ANO4: variants seen among roughly 807,000 people sequenced by gnomAD.
The protein encoded by ANO4 is anoctamin-4.
Under a neutral mutation model 141.9 loss-of-function variants are expected in ANO4, and 69 were observed. That is an observed-to-expected ratio of 0.49 (90% CI 0.40 to 0.59). The LOEUF is 0.59. ANO4 is among the 20% of genes least tolerant of loss of function. The probability of loss-of-function intolerance (pLI) is 0.00; values close to 1 mark genes in which losing one functional copy is unlikely to be tolerated. For missense variants in ANO4, 894 were observed against 1,162.2 expected, an observed-to-expected ratio of 0.77 and a Z score of 3.36; for synonymous variants, 350 against 394.3, an observed-to-expected ratio of 0.89 and a Z score of 1.33.
chr12:100,987,702 T>C, intron 8 of ANO4, 32 bp downstream of exon 8: 1 of 1,610,852 alleles, frequency 6.2e-7, no homozygotes. Context: ...CCCATCTCAC[T>C]AAGGATGTGC....
In ANO4 at chr12:101,128,356, C is replaced by T. The variant is rs966407635; in HGVS notation, c.*500C>T. 6.6e-6 allele frequency: 1 copy of T among 152,444 alleles called. No homozygotes were observed. The highest frequency in any genetic ancestry group is 2.4e-5 in the African/African-American group (1 of 41,370). The allele number at this position is 152,444 out of a possible 1,614,324, so 9.4% of individuals were successfully genotyped here. ...TCTTTCCTTTTTTTTAATTTTAGAC[C>T]TTTCTGAGAAGATTATTATATATGA... On this transcript the variant is annotated 3_prime_UTR_variant, in exon 28 of 28. Coordinates refer to ENST00000392977, the MANE Select transcript of ANO4 (RefSeq NM_001286615.2).
At chr12:101,030,630 G>C (rs1445310957) in intron 9 of ANO4, among the ~76,000 whole-genome samples, 1 of 152,006 alleles carries the variant, frequency 6.6e-6, no homozygotes, top group African/African-American at 2.4e-5. Flanking sequence ...ACTAAGATCA[G>C]AGCAAAATTG....
intron 1 of ANO4, among the ~76,000 whole-genome samples, chr12:100,834,902 A>C (rs1010056159): frequency 7.9e-5 from 12 of 152,134 alleles, no homozygotes; most frequent in African/African-American, 2.7e-4. Context: ...ACACAGGTGC[A>C]TGTGTTCCCC....
At chr12:100,783,919 T>C (rs1169516409) in intron 3 of ANO4, among the ~76,000 whole-genome samples, 1 of 151,976 alleles carries the variant, frequency 6.6e-6, no homozygotes, top group East Asian at 1.9e-4. Context: ...CTTCCAAATC[T>C]CAGATAAGGG....
At chr12:100,896,434 A>G (rs148938681) in intron 1 of ANO4, among the ~76,000 whole-genome samples, 1 of 151,642 alleles carries the variant, frequency 6.6e-6, no homozygotes, top group East Asian at 1.9e-4. Flanking sequence ...CAAGGAATGG[A>G]TTCTCCCCAG....
chr12:101,027,210 A>G (rs1009282698), intron 9 of ANO4, among the ~76,000 whole-genome samples: 1 of 152,162 alleles, frequency 6.6e-6, no homozygotes, highest in African/African-American at 2.4e-5. Flanking sequence ...GCTTTTTTCC[A>G]TGGGACTGTG....
chr12:100,820,999 A>G (rs1430229434), intron 1 of ANO4, among the ~76,000 whole-genome samples: 1 of 151,784 alleles, frequency 6.6e-6, no homozygotes, highest in African/African-American at 2.4e-5. Flanking sequence ...TTTCCCTTGC[A>G]CTCTCTGTTT....
chr12:101,054,691 G>T (rs555879680), intron 14 of ANO4, among the ~76,000 whole-genome samples: 1 of 152,060 alleles, frequency 6.6e-6, no homozygotes, highest in South Asian at 2.1e-4. Context: ...TAGTAGAGAC[G>T]GGGTTTCACT....
intron 1 of ANO4, among the ~76,000 whole-genome samples, chr12:100,858,651 T>G (rs1034108174): frequency 3.3e-5 from 5 of 152,182 alleles, no homozygotes; most frequent in Admixed American, 6.5e-5. Flanking sequence ...ACTCAAAAAT[T>G]TAATGCCTGT....
chr12:100,911,897 A>G (rs1290635284), intron 2 of ANO4, among the ~76,000 whole-genome samples: 1 of 152,218 alleles, frequency 6.6e-6, no homozygotes, highest in African/African-American at 2.4e-5. Context: ...TAGAATAACG[A>G]TCATAATACT....
At chr12:100,842,011 C>T in intron 1 of ANO4, among the ~76,000 whole-genome samples, 1 of 142,070 alleles carries the variant, frequency 7.0e-6, no homozygotes, top group Non-Finnish European at 1.5e-5. Flanking sequence ...ATGTCTCAGC[C>T]AAATTCTCTG....
chr12:101,127,441 G>GCAGA (rs1208634048), intron 27 of ANO4, among the ~76,000 whole-genome samples: 1 of 152,086 alleles, frequency 6.6e-6, no homozygotes, highest in African/African-American at 2.4e-5. Context: ...TGGGTGGGAG[G>GCAGA]CAGACATTAG....
At chr12:100,986,460 A>G (rs1475555509) in intron 7 of ANO4, among the ~76,000 whole-genome samples, 3 of 152,114 alleles carry the variant, frequency 2.0e-5, no homozygotes, top group South Asian at 2.1e-4. Context: ...TAAGTCTACA[A>G]ACTCAAACAC....
intron 14 of ANO4, among the ~76,000 whole-genome samples, chr12:101,056,057 T>C (rs1593144543): frequency 6.6e-6 from 1 of 152,196 alleles, no homozygotes; most frequent in East Asian, 1.9e-4. Flanking sequence ...TCTTGATTAT[T>C]ATGGCATAAT....
chr12:100,894,573 C>G (rs1348281065), intron 1 of ANO4, among the ~76,000 whole-genome samples: 4 of 152,102 alleles, frequency 2.6e-5, no homozygotes, highest in Admixed American at 2.6e-4. Context: ...GCTAATGACA[C>G]ATGAGGTGCT....
intron 2 of ANO4, among the ~76,000 whole-genome samples, chr12:100,736,892 G>A (rs2031641434): frequency 6.6e-6 from 1 of 152,180 alleles, no homozygotes; most frequent in African/African-American, 2.4e-5. Flanking sequence ...CTCCTCTAGA[G>A]CCTTCAGAGA....
chr12:100,937,997 T>C (rs2042355235), intron 3 of ANO4, among the ~76,000 whole-genome samples: 1 of 152,204 alleles, frequency 6.6e-6, no homozygotes, highest in Non-Finnish European at 1.5e-5. Context: ...CTTTCGGTGA[T>C]AAAAAGGTAA....
chr12:100,836,353 TTA>T (rs2036911876), intron 1 of ANO4, among the ~76,000 whole-genome samples: 2 of 152,086 alleles, frequency 1.3e-5, no homozygotes, highest in Admixed American at 1.3e-4. Flanking sequence ...ATATATATTT[TTA>T]TTATACTGTA....
intron 18 of ANO4, among the ~76,000 whole-genome samples, chr12:101,094,631 G>C (rs1206403608): frequency 3.3e-5 from 5 of 152,074 alleles, no homozygotes; most frequent in Non-Finnish European, 5.9e-5. Flanking sequence ...TATAATTTTT[G>C]TTTAATTAAA....
Sources: allele counts gnomAD v4.1 joint callset (sites outside exome capture counted in the v4.1 genomes callset), GRCh38; gene constraint gnomAD v4.1.1; transcripts MANE v1.5; gene names NCBI Gene and HGNC (gene_info 2026-07-23, HGNC 2026-07-21).